The following GLIPR1L1 variants were observed in gnomAD, a reference collection of about 807,000 sequenced individuals.
GLIPR1L1 encodes GLIPR1-like protein 1.
In GLIPR1L1, 26 loss-of-function variants were observed where a neutral mutation model predicts 29.9. The observed-to-expected ratio is 0.87, with a 90% CI of 0.64 to 1.21. The LOEUF (loss-of-function observed/expected upper bound fraction) is 1.21. GLIPR1L1 is among the 50% of genes most tolerant of loss of function. The pLI is 0.00. For synonymous variants in GLIPR1L1, 77 were observed against 97.5 expected, an observed-to-expected ratio of 0.79 and a Z score of 1.24; for missense variants, 305 against 290.3, an observed-to-expected ratio of 1.05 and a Z score of -0.37.
intron 1 of GLIPR1L1, among the ~76,000 whole-genome samples, chr12:75,335,511 T>G (rs1191624656): frequency 6.6e-6 from 1 of 152,198 alleles, no homozygotes; most frequent in African/African-American, 2.4e-5. Flanking sequence ...TGTTTATAAA[T>G]GCATCACTAT....
chr12:75,340,642 G>A (rs1039239986), intron 1 of GLIPR1L1, among the ~76,000 whole-genome samples: 3 of 150,940 alleles, frequency 2.0e-5, no homozygotes, highest in Non-Finnish European at 3.0e-5. Context: ...GAAGATGAGA[G>A]GACAAACTAC....
At chr12:75,368,142 T>C (rs772782091) in intron 4 of GLIPR1L1, among the ~76,000 whole-genome samples, 7 of 151,956 alleles carry the variant, frequency 4.6e-5, no homozygotes, top group Non-Finnish European at 1.0e-4. Context: ...GTAGCAGGAG[T>C]TAAGTGATGC....
In GLIPR1L1 at chr12:75,369,968, C is replaced by A. The variant is rs113495026; in HGVS notation, c.619C>A (p.Gln207Lys). ...TTTAATTTTTACTTTAGGGACTCCA[C>A]AACTTATTATACCTAACCGTATGTA... is the stretch of plus-strand genomic sequence containing the variant. Reference protein sequence around the residue: ...KCVKNLCRTPQLIIPNQNPFL... With the variant: ...KCVKNLCRTPKLIIPNQNPFL... Residue 207 changes from glutamine (Q) to lysine (K), a missense_variant, in exon 5 of 6, where the codon CAA becomes AAA. Transcript: ENST00000378695. 5.9e-4 allele frequency: 641 copies of A among 1,086,276 alleles called. 5 individuals carry two copies. The African/African-American group carries it at 8.9e-3, about 15-fold the overall frequency. 67.3% of individuals were successfully genotyped at this position (1,086,276 alleles called of 1,614,324 possible).
intron 3 of GLIPR1L1, among the ~76,000 whole-genome samples, chr12:75,350,437 G>A (rs1019227044): frequency 1.1e-4 from 16 of 152,198 alleles, no homozygotes; most frequent in Admixed American, 2.6e-4. Flanking sequence ...GCATACAGGA[G>A]CATTCTGGCG....
chr12:75,368,357 T>C (rs1352458801), intron 4 of GLIPR1L1, among the ~76,000 whole-genome samples: 2 of 151,678 alleles, frequency 1.3e-5, no homozygotes, highest in Admixed American at 6.6e-5. Context: ...ACATGTTAAC[T>C]TTAACAATTT....
At chr12:75,348,339 A>C (rs1236722510) in intron 3 of GLIPR1L1, among the ~76,000 whole-genome samples, 4 of 152,236 alleles carry the variant, frequency 2.6e-5, no homozygotes, top group Non-Finnish European at 5.9e-5. Flanking sequence ...ATAAATATGC[A>C]AAACTGATGA....
chr12:75,363,386 C>T (rs1566004505), intron 4 of GLIPR1L1, among the ~76,000 whole-genome samples, 196 bp downstream of exon 4: 1 of 152,110 alleles, frequency 6.6e-6, no homozygotes, highest in Non-Finnish European at 1.5e-5. Flanking sequence ...ATTACTCCCC[C>T]TCTGAAGCTA....
chr12:75,343,870 T>C lies in GLIPR1L1; in HGVS notation c.352T>C (p.Tyr118His), dbSNP rs765852252. The C allele has an allele frequency of 1.2e-6, 2 of 1,612,632 alleles. No homozygotes were observed. The highest frequency in any genetic ancestry group is 2.2e-5 in the South Asian group (2 of 91,032). The change falls in exon 2 of 6, where the codon TAT (tyrosine) becomes CAT (histidine). Residue 118 changes from tyrosine (Y) to histidine (H), a missense_variant. Transcript: ENST00000378695. ...ACCAAGACATGCCATTACGGCTTGG[T>C]ATAATGAAACCCAATTTTATGATTT... is the stretch of plus-strand genomic sequence containing the variant. The part of the protein sequence containing the change: ...FTPRHAITAW[Y>H]NETQFYDFDS...
Position 75,334,704 on chromosome 12 carries a change from T to A in GLIPR1L1, c.-25T>A. 3 of 1,602,802 alleles carry A rather than the reference T, an allele frequency of 1.9e-6. No homozygotes were observed. Among genetic ancestry groups the A allele is most frequent in the Non-Finnish European group, 2.6e-6 (3 of 1,174,168 alleles). ...GTTACTGGTCCGCGCAGTCAGGGCATCCTCCGCATCCTCCACATCCTTCCA... is the reference window on the plus strand; with the variant it reads ...GTTACTGGTCCGCGCAGTCAGGGCAACCTCCGCATCCTCCACATCCTTCCA... On this transcript the variant is annotated 5_prime_UTR_variant, in exon 1 of 6. Transcript: ENST00000378695.
chr12:75,357,554 T>C (rs1326941377), intron 3 of GLIPR1L1, among the ~76,000 whole-genome samples: 1 of 152,134 alleles, frequency 6.6e-6, no homozygotes, highest in Non-Finnish European at 1.5e-5. Context: ...CAGAGGAATA[T>C]ATATTTCTTC....
intron 3 of GLIPR1L1, among the ~76,000 whole-genome samples, chr12:75,356,608 CAAAGAAAGGCAA>C: frequency 6.6e-6 from 1 of 151,720 alleles, no homozygotes; most frequent in Non-Finnish European, 1.5e-5. Flanking sequence ...TTAATTAACC[CAAAGAAAGGCAA>C]AAAGAAAGGA....
intron 2 of GLIPR1L1, 28 bp downstream of exon 2, chr12:75,343,966 GTTC>G (rs1565961966): frequency 6.5e-7 from 1 of 1,538,252 alleles, no homozygotes; most frequent in East Asian, 2.3e-5. Context: ...TTATTGATTA[GTTC>G]TTATTTGTGC....
intron 3 of GLIPR1L1, among the ~76,000 whole-genome samples, chr12:75,348,286 A>G (rs2042583881): frequency 1.3e-5 from 2 of 152,174 alleles, no homozygotes; most frequent in Admixed American, 6.5e-5. Flanking sequence ...ACAAACATCA[A>G]TTTAAAAATA....
At chr12:75,346,505 C>T (rs547441510) in intron 2 of GLIPR1L1, among the ~76,000 whole-genome samples, 1 of 152,284 alleles carries the variant, frequency 6.6e-6, no homozygotes. Flanking sequence ...ATTCTCCTGC[C>T]TCAGCCTCCT....
intron 3 of GLIPR1L1, among the ~76,000 whole-genome samples, chr12:75,350,305 T>C (rs545054288): frequency 6.6e-6 from 1 of 152,332 alleles, no homozygotes; most frequent in African/African-American, 2.4e-5. Flanking sequence ...TATCCTTTTC[T>C]GATGGCAAGC....
At chr12:75,358,583 C>A (rs184592640) in intron 3 of GLIPR1L1, among the ~76,000 whole-genome samples, 1 of 150,770 alleles carries the variant, frequency 6.6e-6, no homozygotes, top group African/African-American at 2.4e-5. Flanking sequence ...AAAAACTGAC[C>A]ACTAACATTA....
At position 75,370,409 on chromosome 12, in the gene GLIPR1L1, G is replaced by C. The variant is rs1437235888; in HGVS notation, c.*233G>C. On this transcript the variant is annotated 3_prime_UTR_variant, in exon 6 of 6. Transcript: ENST00000378695. ...TTACAAATCCATATGTGTATCAAAA[G>C]TGTTCCACTCTTTAATTTTCTAATG... The C allele has an allele frequency of 3.0e-6, 1 of 333,158 alleles. No homozygotes were observed. The highest frequency in any genetic ancestry group is 2.1e-5 in the African/African-American group (1 of 48,070). The allele number at this position is 333,158 out of a possible 1,614,324, so 20.6% of individuals were successfully genotyped here. A position where few individuals can be genotyped will look rare whatever the true frequency, so the allele number is the denominator to read the frequency against.
intron 3 of GLIPR1L1, among the ~76,000 whole-genome samples, chr12:75,356,468 A>T (rs1593778548): frequency 6.6e-6 from 1 of 152,324 alleles, no homozygotes; most frequent in Non-Finnish European, 1.5e-5. Flanking sequence ...GAAGTGCGAT[A>T]ATCTAACTTG....
At chr12:75,337,460 A>G (rs2041815232) in intron 1 of GLIPR1L1, among the ~76,000 whole-genome samples, 1 of 151,940 alleles carries the variant, frequency 6.6e-6, no homozygotes, top group South Asian at 2.1e-4. Context: ...AATATTTTGA[A>G]CAAATTTATA....
Sources: gnomAD v4.1 joint callset for allele counts (sites outside exome capture counted in the v4.1 genomes callset) on GRCh38, gnomAD v4.1.1 for gene constraint, MANE v1.5 for transcripts, NCBI Gene and HGNC (gene_info 2026-07-23, HGNC 2026-07-21) for gene names.